Variants in DLG2 observed in about 807,000 individuals in gnomAD.
DLG2 encodes the protein discs large MAGUK scaffold protein 2.
Under a neutral mutation model 132.5 loss-of-function variants are expected in DLG2, and 45 were observed. That is an observed-to-expected ratio of 0.34 (90% CI 0.27 to 0.44). The LOEUF is 0.44. DLG2 is among the 20% of genes least tolerant of loss of function. The pLI is 1.00. For missense variants in DLG2, 1,045 were observed against 1,196.9 expected (o/e 0.87, Z 1.87); for synonymous variants, 424 against 419.6 (o/e 1.01, Z -0.13).
chr11:83,802,520 A>C (rs2044701116), intron 17 of DLG2, among the ~76,000 whole-genome samples: 1 of 152,184 alleles, frequency 6.6e-6, no homozygotes, highest in Non-Finnish European at 1.5e-5. Flanking sequence ...GGACTAACTG[A>C]AAGTGCTCTA....
At chr11:85,249,336 G>A (rs1289117419) in intron 4 of DLG2, among the ~76,000 whole-genome samples, 1 of 151,826 alleles carries the variant, frequency 6.6e-6, no homozygotes, top group Non-Finnish European at 1.5e-5. Flanking sequence ...GAAACAGTGT[G>A]TATGATCATC....
chr11:83,867,489 C>T (rs11822018), intron 16 of DLG2, among the ~76,000 whole-genome samples: 45,142 of 151,894 alleles, frequency 0.3, 7,364 homozygotes, highest in African/African-American at 0.42. Context: ...CTGTATTCTT[C>T]GATTTATGTT....
intron 3 of DLG2, among the ~76,000 whole-genome samples, chr11:85,518,899 C>T (rs971022411): frequency 9.9e-5 from 15 of 152,186 alleles, no homozygotes; most frequent in African/African-American, 3.6e-4. Context: ...CAGGTTGTTG[C>T]TTCAGAGGGT....
intron 6 of DLG2, among the ~76,000 whole-genome samples, chr11:85,106,581 G>A (rs2152300334): frequency 6.6e-6 from 1 of 152,042 alleles, no homozygotes; most frequent in Admixed American, 6.6e-5. Flanking sequence ...CTTCTGGAAT[G>A]ACCTATCCTT....
intron 3 of DLG2, among the ~76,000 whole-genome samples, chr11:85,340,730 T>C (rs2082432851): frequency 1.3e-5 from 2 of 152,226 alleles, no homozygotes; most frequent in African/African-American, 2.4e-5. Context: ...TCAGATGTCC[T>C]TAATTTTGTT....
At chr11:85,113,403 G>A (rs1337815395) in intron 5 of DLG2, among the ~76,000 whole-genome samples, 2 of 152,000 alleles carry the variant, frequency 1.3e-5, no homozygotes, top group African/African-American at 4.8e-5. Context: ...AACTTCTGCG[G>A]TGCTCAGCAT....
chr11:84,551,737 A>T (rs1004875527), intron 6 of DLG2, among the ~76,000 whole-genome samples: 1 of 152,070 alleles, frequency 6.6e-6, no homozygotes, highest in East Asian at 1.9e-4. Flanking sequence ...TTACTCTCTG[A>T]CTCAGATGTT....
At chr11:84,570,287 G>T (rs536010288) in intron 6 of DLG2, among the ~76,000 whole-genome samples, 1 of 152,180 alleles carries the variant, frequency 6.6e-6, no homozygotes, top group Admixed American at 6.5e-5. Flanking sequence ...GCTTATTCTT[G>T]TTCAAGAATC....
At chr11:84,055,060 AAT>A (rs979312676) in intron 11 of DLG2, among the ~76,000 whole-genome samples, 1 of 152,058 alleles carries the variant, frequency 6.6e-6, no homozygotes, top group African/African-American at 2.4e-5. Context: ...GTGAAAAATC[AAT>A]ATGTTAATTT....
chr11:84,950,732 C>G (rs2050806020), intron 6 of DLG2, among the ~76,000 whole-genome samples: 1 of 151,882 alleles, frequency 6.6e-6, no homozygotes, highest in Non-Finnish European at 1.5e-5. Flanking sequence ...CGTGCATACA[C>G]ACACACACAC....
chr11:84,974,596 C>G (rs1478833130), intron 6 of DLG2, among the ~76,000 whole-genome samples: 2 of 152,178 alleles, frequency 1.3e-5, no homozygotes, highest in Admixed American at 6.6e-5. Context: ...GAACAAGACA[C>G]GTCTTCAGTT....
chr11:84,404,502 G>A (rs2098841700), intron 7 of DLG2, among the ~76,000 whole-genome samples: 1 of 152,110 alleles, frequency 6.6e-6, no homozygotes, highest in African/African-American at 2.4e-5. Context: ...AACTCTGTTT[G>A]TCTTATTTCC....
chr11:84,269,351 T>C (rs972746039), intron 7 of DLG2, among the ~76,000 whole-genome samples: 6 of 152,254 alleles, frequency 3.9e-5, no homozygotes, highest in Admixed American at 6.5e-5. Context: ...AGACTGTGTT[T>C]ACACAATTTA....
chr11:84,940,534 T>C (rs1233100323), intron 6 of DLG2, among the ~76,000 whole-genome samples: 1 of 152,228 alleles, frequency 6.6e-6, no homozygotes, highest in Non-Finnish European at 1.5e-5. Flanking sequence ...TTTTGAGAAA[T>C]GTGTATTGAG....
rs2098961143 is a variant in DLG2, at chr11:84,424,761, T to C, written c.519+109809A>G. 2.0e-5 allele frequency among the ~76,000 whole-genome samples: 3 copies of C among 152,264 alleles called. No individual in the cohort carries two copies. The South Asian group carries it at 6.2e-4, about 32-fold the overall frequency. ...TAGAAGGACATTATGGACATTCACA[T>C]GTGCTTCCTAAGAATGTAATCAAAG... On this transcript the variant is annotated intron_variant, in intron 7 of 27. Transcript: ENST00000376104.
rs376002894 is a variant in DLG2, at chr11:84,463,013, A to G, written c.519+71557T>C. 3.3e-5 allele frequency among the ~76,000 whole-genome samples: 5 copies of G among 151,264 alleles called. No homozygotes were observed. In the East Asian group the frequency reaches 5.9e-4, roughly 18 times the overall value. The stretch of plus-strand genomic sequence containing the variant: ...TATTTATTATATAAAATCCAATTCT[A>G]TTTGTTACAAGGCAGTCTTCAAAGA... On this transcript the variant is annotated intron_variant, in intron 7 of 27. Coordinates refer to ENST00000376104, the MANE Select transcript of DLG2 (RefSeq NM_001142699.3).
At chr11:85,248,310 T>C (rs527984429) in intron 4 of DLG2, among the ~76,000 whole-genome samples, 34 of 152,242 alleles carry the variant, frequency 2.2e-4, no homozygotes, top group African/African-American at 8.2e-4. Flanking sequence ...CTTTTTGTTG[T>C]GGTCACCCTT....
intron 17 of DLG2, among the ~76,000 whole-genome samples, chr11:83,831,489 A>G (rs770024564): frequency 6.6e-6 from 1 of 151,832 alleles, no homozygotes; most frequent in East Asian, 1.9e-4. Context: ...AACTGACTGT[A>G]TGATGTTATT....
At position 84,810,053 on chromosome 11, in the gene DLG2, T is replaced by C. The variant is rs115356458; in HGVS notation, c.358-275322A>G. Among the ~76,000 whole-genome samples, 715 of 152,150 alleles carry C rather than the reference T, an allele frequency of 4.7e-3. 4 individuals are homozygous for C. Among genetic ancestry groups the C allele is most frequent in the African/African-American group, 0.017 (686 of 41,554 alleles). ...AAATAAAATCTCAACCTAAATCTTA[T>C]GATATAAAATTTAACTTAAAATGGA... is the stretch of plus-strand genomic sequence containing the variant. On this transcript the variant is annotated intron_variant, in intron 6 of 27. Transcript: ENST00000376104.
Sources: gnomAD v4.1 joint callset for allele counts (sites outside exome capture counted in the v4.1 genomes callset) on GRCh38, gnomAD v4.1.1 for gene constraint, MANE v1.5 for transcripts, NCBI Gene and HGNC (gene_info 2026-07-23, HGNC 2026-07-21) for gene names.